Variants in CX3CL1 observed in about 807,000 individuals in gnomAD.
The protein encoded by CX3CL1 is C-X3-C motif chemokine ligand 1.
Under a neutral mutation model 14.1 loss-of-function variants are expected in CX3CL1, and 1 was observed. The ratio of observed to expected loss-of-function variants is 0.07; its 90% confidence interval spans 0.03 to 0.34. The LOEUF (loss-of-function observed/expected upper bound fraction) is 0.34. CX3CL1 is among the 10% of genes least tolerant of loss of function. The probability of loss-of-function intolerance (pLI) is 0.99; values close to 1 mark genes in which losing one functional copy is unlikely to be tolerated. For missense variants in CX3CL1, 505 were observed against 536.4 expected, an observed-to-expected ratio of 0.94 and a Z score of 0.58; for synonymous variants, 255 against 229.6, an observed-to-expected ratio of 1.11 and a Z score of -1.00.
chr16:57,373,597 A>C (rs1446157473), intron 1 of CX3CL1, among the ~76,000 whole-genome samples: 1 of 152,140 alleles, frequency 6.6e-6, no homozygotes, highest in Non-Finnish European at 1.5e-5. Flanking sequence ...CACTGTCCAG[A>C]TATTTCCATG....
Position 57,379,715 on chromosome 16 carries a change from A to G in CX3CL1, c.152A>G (p.Tyr51Cys). Residue 51 changes from tyrosine to cysteine, a missense_variant, in exon 2 of 3, where the codon TAT becomes TGT. Coordinates refer to ENST00000006053, the MANE Select transcript of CX3CL1 (RefSeq NM_002996.6). ...SKIPVALLIH[Y>C]QQNQASCGKR... ...ATACCTGTAGCTTTGCTCATCCACTATCAACAGAACCAGGCATCATGCGGC... is the reference window on the plus strand; with the variant it reads ...ATACCTGTAGCTTTGCTCATCCACTGTCAACAGAACCAGGCATCATGCGGC... 6.2e-7 allele frequency: 1 copy of G among 1,614,224 alleles called. No homozygotes were observed. Among genetic ancestry groups the G allele is most frequent in the Non-Finnish European group, 8.5e-7 (1 of 1,180,028 alleles).
intron 2 of CX3CL1, 117 bp from the exon 3 acceptor site, chr16:57,381,913 C>A: frequency 8.7e-7 from 1 of 1,153,280 alleles, no homozygotes; most frequent in Non-Finnish European, 1.2e-6. Context: ...AGTGGGAGGA[C>A]AGGGTTTCCA....
intron 1 of CX3CL1, among the ~76,000 whole-genome samples, chr16:57,375,664 C>G (rs1267490798): frequency 6.6e-6 from 1 of 152,230 alleles, no homozygotes; most frequent in Non-Finnish European, 1.5e-5. Flanking sequence ...TCAGGACACA[C>G]AGCTGGGCAA....
In CX3CL1 at chr16:57,382,300, C is replaced by T. The variant is rs141389026; in HGVS notation, c.462C>T (p.Ser154=). 2.5e-6 allele frequency: 4 copies of T among 1,606,390 alleles called. No individual in the cohort carries two copies. Among genetic ancestry groups the T allele is most frequent in the Middle Eastern group, 3.3e-4 (2 of 6,042 alleles). The change falls in exon 3 of 3, where the codon TCC becomes TCT. Residue 154 remains serine, a synonymous_variant. Coordinates refer to ENST00000006053, the MANE Select transcript of CX3CL1 (RefSeq NM_002996.6). This position sits in a 1 kb window ranked among gnomAD's most constrained non-coding sequence, Gnocchi z 6.9. ...SQEAQRALGT[S]PELPTGVTGS... ...AAGCACAGAGGGCCCTGGGGACCTC[C>T]CCAGAGCTGCCGACGGGCGTGACTG...
intron 2 of CX3CL1, among the ~76,000 whole-genome samples, chr16:57,380,704 C>A (rs1190212974): frequency 6.6e-6 from 1 of 152,124 alleles, no homozygotes; most frequent in African/African-American, 2.4e-5. Context: ...GTAACCCTGG[C>A]TGTTGAAGAC....
Position 57,382,705 on chromosome 16 carries a change from C to A in CX3CL1, c.867C>A (p.Val289=), listed in dbSNP as rs749198932. 1.2e-4 allele frequency: 192 copies of A among 1,612,826 alleles called. No homozygotes were observed. The highest frequency in any genetic ancestry group is 1.6e-4 in the Non-Finnish European group (188 of 1,179,424). The stretch of plus-strand genomic sequence containing the variant: ...GCAGCATGGCCCACGTCTCTGTGGT[C>A]CCTGTCTCCTCAGAAGGGACCCCCA... ...GPGSMAHVSV[V]PVSSEGTPSR... Residue 289 remains valine (V), a synonymous_variant, in exon 3 of 3, where the codon GTC becomes GTA. Transcript: ENST00000006053. The surrounding 1 kb of genome is among the most constrained non-coding windows in gnomAD (Gnocchi z 6.9).
chr16:57,383,187 T>C lies in CX3CL1; in HGVS notation c.*155T>C, dbSNP rs116007089. ...TGCACAAGCTCCAAGCTCCCAGGCA[T>C]TCCCCAGGAGGCCAGCCTTGACCAT... On this transcript the variant is annotated 3_prime_UTR_variant, in exon 3 of 3. Coordinates refer to ENST00000006053, the MANE Select transcript of CX3CL1 (RefSeq NM_002996.6). The C allele has an allele frequency of 1.5e-3, 951 of 648,950 alleles. 16 individuals carry two copies. In the African/African-American group the frequency reaches 0.016, roughly 11 times the overall value. 40.2% of individuals were successfully genotyped at this position (648,950 alleles called of 1,614,324 possible).
intron 1 of CX3CL1, 154 bp from the exon 2 acceptor site, chr16:57,379,480 G>A (rs1412692126): frequency 6.6e-6 from 5 of 757,452 alleles, no homozygotes; most frequent in African/African-American, 1.8e-5. Flanking sequence ...GAGAAGTTTG[G>A]CAGGGGAGGG....
intron 2 of CX3CL1, 30 bp from the exon 3 acceptor site, chr16:57,382,000 T>C (rs745662176): frequency 6.5e-7 from 1 of 1,547,762 alleles, no homozygotes; most frequent in East Asian, 2.3e-5. Flanking sequence ...TATCTGGGCA[T>C]AACCGAATCC....
intron 1 of CX3CL1, among the ~76,000 whole-genome samples, chr16:57,376,601 G>A (rs978861025): frequency 6.6e-6 from 1 of 151,692 alleles, no homozygotes; most frequent in Non-Finnish European, 1.5e-5. Context: ...GAGTAGGTGA[G>A]ATAAAAGGGG....
In CX3CL1 at chr16:57,384,026, C is replaced by G. The variant is rs770155652; in HGVS notation, c.*994C>G. The G allele has an allele frequency of 6.6e-6, 1 of 152,294 alleles. No individual in the cohort carries two copies. The highest frequency in any genetic ancestry group is 1.5e-5 in the Non-Finnish European group (1 of 68,122). 9.4% of individuals were successfully genotyped at this position (152,294 alleles called of 1,614,324 possible). Reference sequence around the variant, plus strand: ...CCCAGGCTTAGTCACTGAGACAGCCCGGGCTCTGCCTCCCATCACCCGCTA... The same window carrying G: ...CCCAGGCTTAGTCACTGAGACAGCCGGGGCTCTGCCTCCCATCACCCGCTA... On this transcript the variant is annotated 3_prime_UTR_variant, in exon 3 of 3. Transcript: ENST00000006053.
intron 1 of CX3CL1, among the ~76,000 whole-genome samples, chr16:57,375,643 G>C (rs375042070): frequency 6.6e-6 from 1 of 152,186 alleles, no homozygotes; most frequent in African/African-American, 2.4e-5. Context: ...CAGGGAGTCC[G>C]AGTGACTTGC....
Position 57,382,812 on chromosome 16 carries a change from G to T in CX3CL1, c.974G>T (p.Gly325Val). The change falls in exon 3 of 3, where the codon GGC becomes GTC. Residue 325 changes from glycine to valine, a missense_variant. Transcript: ENST00000006053. This position sits in a 1 kb window ranked among gnomAD's most constrained non-coding sequence, Gnocchi z 6.9. Reference protein sequence around the residue: ...IHATMDPQRLGVLITPVPDAQ... With the variant: ...IHATMDPQRLVVLITPVPDAQ... The stretch of plus-strand genomic sequence containing the variant: ...GCCACCATGGACCCCCAGAGGCTGG[G>T]CGTCCTTATCACTCCTGTCCCTGAC... The T allele has an allele frequency of 6.3e-7, 1 of 1,597,230 alleles. No individual in the cohort carries two copies.
chr16:57,378,672 C>T (rs1346476330), intron 1 of CX3CL1: 1 of 152,040 alleles, frequency 6.6e-6, no homozygotes, highest in African/African-American at 2.4e-5. Context: ...CCATATTGAT[C>T]AGGCTGGTCT....
intron 1 of CX3CL1, among the ~76,000 whole-genome samples, chr16:57,374,262 G>T (rs906872001): frequency 2.6e-5 from 4 of 152,058 alleles, no homozygotes; most frequent in Non-Finnish European, 4.4e-5. Flanking sequence ...AGGCTGGGGG[G>T]TTCGTAGCTG....
Position 57,383,391 on chromosome 16 carries a change from C to A in CX3CL1, c.*359C>A. On this transcript the variant is annotated 3_prime_UTR_variant, in exon 3 of 3. Transcript: ENST00000006053. ...TGCCCTGTGAGTACTACAGTCCTCC[C>A]ATCTCACACATGAGCATCAGGCCAG... 1 of 181,254 alleles carries A rather than the reference C, an allele frequency of 5.5e-6. No homozygotes were observed. The allele number at this position is 181,254 out of a possible 1,614,324, so 11.2% of individuals were successfully genotyped here.
chr16:57,372,705 C>A, intron 1 of CX3CL1, 67 bp downstream of exon 1: 1 of 1,555,944 alleles, frequency 6.4e-7, no homozygotes, highest in Non-Finnish European at 8.8e-7. Context: ...ATCCCTCAAG[C>A]CTGACATCAG....
In CX3CL1 at chr16:57,382,226, G is replaced by A. The variant is rs201652312; in HGVS notation, c.388G>A (p.Glu130Lys). The part of the protein sequence containing the change: ...GMDESVVLEP[E>K]ATGESSSLEP... ...GGACGAGTCTGTGGTCCTGGAGCCC[G>A]AAGCCACAGGCGAAAGCAGTAGCCT... The change falls in exon 3 of 3, where the codon GAA becomes AAA. Residue 130 changes from glutamate (E) to lysine (K), a missense_variant. Physicochemically the swap from Glu to Lys is moderately conservative, Grantham distance 56. Transcript: ENST00000006053. This position sits in a 1 kb window ranked among gnomAD's most constrained non-coding sequence, Gnocchi z 6.9. 3.0e-5 allele frequency: 49 copies of A among 1,612,240 alleles called. No homozygotes were observed. The highest frequency in any genetic ancestry group is 1.6e-4 in the Middle Eastern group (1 of 6,080).
intron 1 of CX3CL1, 190 bp from the exon 2 acceptor site, chr16:57,379,444 T>G: frequency 1.7e-6 from 1 of 577,252 alleles, no homozygotes; most frequent in East Asian, 2.8e-5. Context: ...TTGTTCCTAT[T>G]TTACAGGTGG....
Sources: allele counts gnomAD v4.1 joint callset (sites outside exome capture counted in the v4.1 genomes callset), GRCh38; gene constraint gnomAD v4.1.1; non-coding constraint Gnocchi (gnomAD v3.1); transcripts MANE v1.5; gene names NCBI Gene and HGNC (gene_info 2026-07-23, HGNC 2026-07-21).